The following HERC6 variants were observed in gnomAD, a reference collection of about 807,000 sequenced individuals.
HERC6 encodes the protein probable E3 ubiquitin-protein ligase HERC6.
In HERC6, 101 loss-of-function variants were observed where a neutral mutation model predicts 114.5. The ratio of observed to expected loss-of-function variants is 0.88; its 90% CI spans 0.75 to 1.04. The LOEUF (loss-of-function observed/expected upper bound fraction) is 1.04, where lower values mean the gene tolerates loss of function less well. Ranked by LOEUF, HERC6 falls within the 50% of genes least tolerant of loss-of-function variation. The pLI, the probability that HERC6 is intolerant of heterozygous loss-of-function variation, is 0.00. For missense variants in HERC6, 1,133 were observed against 1,230.9 expected (o/e 0.92, Z 1.19); for synonymous variants, 408 against 436.2 (o/e 0.94, Z 0.81).
intron 12 of HERC6, 73 bp from the exon 13 acceptor site, chr4:88,417,352 G>C (rs1354153922): frequency 1.5e-6 from 2 of 1,330,640 alleles, no homozygotes; most frequent in Admixed American, 4.4e-5. Context: ...TTACATTAAA[G>C]AACCCACTAG....
chr4:88,418,484 T>C (rs543810917), intron 13 of HERC6, among the ~76,000 whole-genome samples: 1 of 152,298 alleles, frequency 6.6e-6, no homozygotes, highest in Admixed American at 6.5e-5. Flanking sequence ...GCCTCCCATC[T>C]CTAAACTGCT....
chr4:88,437,003 A>C, intron 19 of HERC6, 32 bp downstream of exon 19: 1 of 1,449,882 alleles, frequency 6.9e-7, no homozygotes, highest in South Asian at 1.3e-5. Context: ...ATTATAGTTT[A>C]GCTTTAATCT....
chr4:88,391,677 T>C (rs551211539), intron 4 of HERC6, among the ~76,000 whole-genome samples: 1 of 152,324 alleles, frequency 6.6e-6, no homozygotes, highest in Admixed American at 6.5e-5. Flanking sequence ...ACTGCTGGAC[T>C]AGGAGACTGC....
At chr4:88,385,636 A>G (rs1734533893) in intron 3 of HERC6, 61 bp downstream of exon 3, 2 of 829,152 alleles carry the variant, frequency 2.4e-6, no homozygotes, top group Non-Finnish European at 3.8e-6. Context: ...TAGGAATTAT[A>G]GCTGCTGATT....
chr4:88,440,080 C>A (rs754845298), intron 21 of HERC6, 23 bp downstream of exon 21: 1 of 1,606,224 alleles, frequency 6.2e-7, no homozygotes, highest in South Asian at 1.1e-5. Flanking sequence ...TAAAGTGCCC[C>A]AATTTTTCCG....
At chr4:88,440,474 TC>T in intron 22 of HERC6, 1 of 454,436 alleles carries the variant, frequency 2.2e-6, no homozygotes, top group South Asian at 4.2e-5. Context: ...CAGAGAGGGG[TC>T]CCAGAAAAAT....
chr4:88,389,291 T>C (rs1364318148), intron 3 of HERC6, among the ~76,000 whole-genome samples: 3 of 152,134 alleles, frequency 2.0e-5, no homozygotes, highest in African/African-American at 7.2e-5. Flanking sequence ...AGTTGGTCCG[T>C]CATTGAGTGA....
chr4:88,388,238 A>C (rs946160403), intron 3 of HERC6, among the ~76,000 whole-genome samples: 2 of 151,924 alleles, frequency 1.3e-5, no homozygotes, highest in Non-Finnish European at 1.5e-5. Flanking sequence ...CCTAGCCAAC[A>C]TGGTGAAACC....
chr4:88,413,051 G>A, intron 11 of HERC6, 26 bp from the exon 12 acceptor site: 1 of 1,563,282 alleles, frequency 6.4e-7, no homozygotes, highest in Non-Finnish European at 8.7e-7. Flanking sequence ...TCCTGGGTCT[G>A]TTCCCTGATC....
intron 3 of HERC6, among the ~76,000 whole-genome samples, chr4:88,388,583 G>A (rs372771482): frequency 1.9e-4 from 28 of 150,534 alleles, no homozygotes; most frequent in African/African-American, 6.4e-4. Flanking sequence ...AGATTAATAG[G>A]AGAAAAGACA....
Position 88,396,091 on chromosome 4 carries a change from C to A in HERC6, c.836C>A (p.Pro279Gln), listed in dbSNP as rs759666270. 1.2e-6 allele frequency: 2 copies of A among 1,606,948 alleles called. No individual in the cohort carries two copies. Among genetic ancestry groups the A allele is most frequent in the Admixed American group, 1.7e-5 (1 of 58,960 alleles). The stretch of plus-strand genomic sequence containing the variant: ...AGCCCCACTCCTGAGAAGAGAGGTC[C>A]ACAACTTGTGGAAAGAATTGATGGC... ...GYSPTPEKRGPQLVERIDGLV... is the reference protein window; with the variant it reads ...GYSPTPEKRGQQLVERIDGLV... Residue 279 changes from proline to glutamine, a missense_variant, in exon 6 of 23, where the codon CCA (proline) becomes CAA (glutamine). This residue lies in a region of HERC6 where 735 missense variants were observed against 754.0 expected (regional missense o/e 0.97). Transcript: ENST00000264346.
chr4:88,415,182 G>A (rs1736369758), intron 12 of HERC6, among the ~76,000 whole-genome samples: 1 of 152,086 alleles, frequency 6.6e-6, no homozygotes, highest in African/African-American at 2.4e-5. Context: ...GTTTTTAATG[G>A]TAGCAAACTA....
intron 22 of HERC6, among the ~76,000 whole-genome samples, chr4:88,441,996 AAACTT>A (rs1476293289): frequency 1.3e-5 from 2 of 152,134 alleles, no homozygotes; most frequent in Non-Finnish European, 2.9e-5. Flanking sequence ...TGAGCTAAAT[AAACTT>A]CCTTCTTGCT....
intron 20 of HERC6, among the ~76,000 whole-genome samples, chr4:88,439,455 G>C (rs1473930501): frequency 6.6e-6 from 1 of 152,128 alleles, no homozygotes; most frequent in Non-Finnish European, 1.5e-5. Context: ...AAAGAAAATG[G>C]AAGTGGGAAG....
At chr4:88,417,182 C>T (rs1736561511) in intron 12 of HERC6, among the ~76,000 whole-genome samples, 1 of 152,072 alleles carries the variant, frequency 6.6e-6, no homozygotes, top group South Asian at 2.1e-4. Context: ...AGCCATTAAC[C>T]AATTTCTTCA....
chr4:88,426,261 C>T (rs962696893), intron 15 of HERC6, among the ~76,000 whole-genome samples: 6 of 151,776 alleles, frequency 4.0e-5, no homozygotes, highest in African/African-American at 1.2e-4. Context: ...CTCTGCCTCC[C>T]GGGTTCAAGC....
At chr4:88,427,252 C>T (rs747234341) in intron 15 of HERC6, among the ~76,000 whole-genome samples, 3 of 152,188 alleles carry the variant, frequency 2.0e-5, no homozygotes, top group Non-Finnish European at 4.4e-5. Context: ...AACCAATATA[C>T]AGAGAACCGG....
chr4:88,401,658 G>A (rs1735553524), intron 8 of HERC6, among the ~76,000 whole-genome samples: 1 of 152,180 alleles, frequency 6.6e-6, no homozygotes, highest in Non-Finnish European at 1.5e-5. Context: ...TAGGTTGATG[G>A]TGGGAAGGTG....
intron 1 of HERC6, among the ~76,000 whole-genome samples, chr4:88,380,766 A>G (rs1734274516): frequency 6.6e-6 from 1 of 151,332 alleles, no homozygotes; most frequent in African/African-American, 2.4e-5. Context: ...AGATAATACA[A>G]TAATCGTTAT....
Sources: allele counts gnomAD v4.1 joint callset (sites outside exome capture counted in the v4.1 genomes callset), GRCh38; gene constraint gnomAD v4.1.1; regional missense constraint gnomAD v4.1.1; transcripts MANE v1.5; gene names NCBI Gene and HGNC (gene_info 2026-07-23, HGNC 2026-07-21).